Variants in NWD2 observed in about 807,000 individuals in gnomAD.
NWD2 encodes the protein NACHT and WD repeat domain-containing protein 2.
A neutral mutation model predicts 132.7 loss-of-function variants in NWD2; 37 were observed. That is an observed-to-expected ratio of 0.28 (90% confidence interval 0.21 to 0.37). The LOEUF (loss-of-function observed/expected upper bound fraction) is 0.37. Ranked by LOEUF, NWD2 falls within the 10% of genes least tolerant of loss-of-function variation. The pLI is 1.00. For synonymous variants in NWD2, 705 were observed against 803.0 expected, an observed-to-expected ratio of 0.88 and a Z score of 2.06; for missense variants, 1,592 against 2,122.4, an observed-to-expected ratio of 0.75 and a Z score of 4.91.
intron 2 of NWD2, among the ~76,000 whole-genome samples, chr4:37,347,451 A>C (rs1719658746): frequency 6.6e-6 from 1 of 152,144 alleles, no homozygotes; most frequent in East Asian, 1.9e-4. Context: ...AGTTTATACC[A>C]ATTTAATTTA....
intron 3 of NWD2, among the ~76,000 whole-genome samples, chr4:37,365,381 C>A (rs1473484082): frequency 6.6e-6 from 1 of 152,050 alleles, no homozygotes. Context: ...TACAGTTCTA[C>A]CAACCAAAAT....
At chr4:37,440,871 A>G (rs556334904) in intron 6 of NWD2, among the ~76,000 whole-genome samples, 2 of 152,258 alleles carry the variant, frequency 1.3e-5, no homozygotes, top group East Asian at 3.9e-4. Context: ...TTATTTTATT[A>G]TGGTGTTAAT....
chr4:37,245,212 C>A lies in NWD2; in HGVS notation c.145C>A (p.Pro49Thr). 1 of 1,538,304 alleles carries A rather than the reference C, an allele frequency of 6.5e-7. No homozygotes were observed. Among genetic ancestry groups the A allele is most frequent in the Non-Finnish European group, 8.7e-7 (1 of 1,144,492 alleles). Residue 49 changes from proline to threonine, a missense_variant, in exon 1 of 7, where the codon CCT becomes ACT. Physicochemically the swap from Pro to Thr is conservative, Grantham distance 38. This residue lies in a region of NWD2 where 88 missense variants were observed against 92.8 expected (regional missense o/e 0.95). Coordinates refer to ENST00000309447, the MANE Select transcript of NWD2 (RefSeq NM_001144990.2). ...CGTCCGGGTCTTCATCAGCGCCAAC[C>A]CTGAAGGTACGTCCCTCGCTCGGGT... is the stretch of plus-strand genomic sequence containing the variant. ...RSVRVFISAN[P>T]EDTGAERQAL...
chr4:37,310,483 T>G (rs971512069), intron 1 of NWD2, among the ~76,000 whole-genome samples: 9 of 152,106 alleles, frequency 5.9e-5, no homozygotes, highest in African/African-American at 1.9e-4. Flanking sequence ...TTTGGATAAA[T>G]TGATAGAAAA....
intron 3 of NWD2, among the ~76,000 whole-genome samples, chr4:37,413,038 T>C (rs1033890014): frequency 6.6e-6 from 1 of 152,126 alleles, no homozygotes; most frequent in Non-Finnish European, 1.5e-5. Context: ...ACCTGGGCAA[T>C]ACCATTCAGG....
chr4:37,337,431 T>A (rs1381384236), intron 2 of NWD2, among the ~76,000 whole-genome samples: 1 of 152,038 alleles, frequency 6.6e-6, no homozygotes, highest in Admixed American at 6.5e-5. Flanking sequence ...GCTTCCTAGG[T>A]GTGTAAGGAA....
chr4:37,324,600 C>A (rs549701180), intron 1 of NWD2, among the ~76,000 whole-genome samples: 1 of 152,294 alleles, frequency 6.6e-6, no homozygotes, highest in Admixed American at 6.5e-5. Flanking sequence ...ATGGGCCCCG[C>A]TTTCATGTAC....
intron 1 of NWD2, among the ~76,000 whole-genome samples, chr4:37,284,040 C>T (rs1334458160): frequency 6.6e-6 from 1 of 152,128 alleles, no homozygotes; most frequent in Non-Finnish European, 1.5e-5. Context: ...TGTTATAAAT[C>T]AGTATAGACC....
chr4:37,296,952 T>C (rs1476213540), intron 1 of NWD2, among the ~76,000 whole-genome samples: 3 of 152,192 alleles, frequency 2.0e-5, no homozygotes, highest in South Asian at 2.1e-4. Flanking sequence ...AGCAACTTCA[T>C]AGAACTTAAG....
At chr4:37,297,512 A>G (rs1718520683) in intron 1 of NWD2, among the ~76,000 whole-genome samples, 2 of 152,212 alleles carry the variant, frequency 1.3e-5, no homozygotes, top group South Asian at 4.1e-4. Flanking sequence ...ATGTTCTTAC[A>G]TAAGTAAAAT....
Position 37,445,122 on chromosome 4 carries a change from C to G in NWD2, c.3134C>G (p.Ser1045Cys). The G allele has an allele frequency of 6.4e-7, 1 of 1,552,100 alleles. No homozygotes were observed. The highest frequency in any genetic ancestry group is 8.7e-7 in the Non-Finnish European group (1 of 1,147,098). Residue 1045 changes from serine to cysteine, a missense_variant, in exon 7 of 7, where the codon TCT (serine) becomes TGT (cysteine). This residue lies in a region of NWD2 where 1,071 missense variants were observed against 1,398.0 expected (regional missense o/e 0.77). Transcript: ENST00000309447. The surrounding 1 kb of genome is among the most constrained non-coding windows in gnomAD (Gnocchi z 4.7). ...GACAATGTCAATTCTTGCCTCCTGT[C>G]TGAAGTAGAAATCAAGGGGACCAAG... Reference protein sequence around the residue: ...IYDNVNSCLLSEVEIKGTKHG... With the variant: ...IYDNVNSCLLCEVEIKGTKHG...
At chr4:37,287,391 A>G (rs1718257402) in intron 1 of NWD2, among the ~76,000 whole-genome samples, 1 of 152,188 alleles carries the variant, frequency 6.6e-6, no homozygotes, top group Non-Finnish European at 1.5e-5. Flanking sequence ...TAACATACTA[A>G]GCAACCTGGG....
chr4:37,278,023 C>T (rs910143292), intron 1 of NWD2, among the ~76,000 whole-genome samples: 5 of 152,052 alleles, frequency 3.3e-5, no homozygotes, highest in Non-Finnish European at 7.4e-5. Context: ...GGTCAGTTTT[C>T]CTAGGGGTCA....
chr4:37,273,327 A>G (rs1717912899), intron 1 of NWD2, among the ~76,000 whole-genome samples: 1 of 152,048 alleles, frequency 6.6e-6, no homozygotes, highest in African/African-American at 2.4e-5. Context: ...ATCAAAAGAG[A>G]CAAACAAGGC....
intron 3 of NWD2, among the ~76,000 whole-genome samples, chr4:37,364,139 AAAAC>A (rs755785353): frequency 4.6e-5 from 7 of 152,154 alleles, no homozygotes; most frequent in South Asian, 2.1e-4. Context: ...CTCTGTCTCA[AAAAC>A]AAACAAACAA....
At chr4:37,342,755 G>A (rs970137566) in intron 2 of NWD2, among the ~76,000 whole-genome samples, 1 of 152,166 alleles carries the variant, frequency 6.6e-6, no homozygotes, top group Admixed American at 6.5e-5. Context: ...ATGTCCAGAG[G>A]CTAAATCTTT....
intron 3 of NWD2, among the ~76,000 whole-genome samples, chr4:37,369,810 C>T (rs985820749): frequency 1.3e-5 from 2 of 152,150 alleles, no homozygotes; most frequent in Non-Finnish European, 2.9e-5. Flanking sequence ...TATTCTCTTC[C>T]CTGCTTGGAA....
chr4:37,253,513 CT>C (rs1272423683), intron 1 of NWD2, among the ~76,000 whole-genome samples: 4 of 152,100 alleles, frequency 2.6e-5, no homozygotes, highest in Non-Finnish European at 5.9e-5. Context: ...TTTCTTCTTC[CT>C]TTGCTTTCCA....
intron 1 of NWD2, among the ~76,000 whole-genome samples, chr4:37,308,215 A>G (rs189226172): frequency 6.6e-5 from 10 of 152,314 alleles, no homozygotes; most frequent in African/African-American, 2.4e-4. Context: ...CACATCTGGT[A>G]GAACAGTCAC....
Sources: gnomAD v4.1 joint callset for allele counts (sites outside exome capture counted in the v4.1 genomes callset) on GRCh38, gnomAD v4.1.1 for gene constraint, gnomAD v4.1.1 regional missense constraint, Gnocchi (gnomAD v3.1) non-coding constraint, MANE v1.5 for transcripts, NCBI Gene and HGNC (gene_info 2026-07-23, HGNC 2026-07-21) for gene names.